The following STK3 variants were observed in gnomAD, a reference collection of about 807,000 sequenced individuals.
The protein encoded by STK3 is serine/threonine kinase 3, also known as serine/threonine-protein kinase 3.
In STK3, 41 loss-of-function variants were observed where a neutral mutation model predicts 58.0. That is an observed-to-expected ratio of 0.71 (90% CI 0.55 to 0.92). STK3 has a LOEUF of 0.92. Ranked by LOEUF, STK3 falls within the 40% of genes least tolerant of loss-of-function variation. The pLI is 0.00. For missense variants in STK3, 479 were observed against 602.7 expected (o/e 0.79, Z 2.15); for synonymous variants, 170 against 191.0 (o/e 0.89, Z 0.91).
intron 4 of STK3, among the ~76,000 whole-genome samples, chr8:98,714,882 C>A (rs536679735): frequency 6.6e-6 from 1 of 152,022 alleles, no homozygotes; most frequent in African/African-American, 2.4e-5. Context: ...ACTTCAAATA[C>A]ACTACAAGGC....
intron 10 of STK3, among the ~76,000 whole-genome samples, chr8:98,498,800 T>G (rs931800613): frequency 1.2e-4 from 18 of 152,214 alleles, no homozygotes; most frequent in African/African-American, 4.1e-4. Context: ...CTGTCCCCTT[T>G]GCTGATTCCT....
chr8:98,550,826 T>C (rs1177176733), intron 8 of STK3, among the ~76,000 whole-genome samples: 1 of 152,194 alleles, frequency 6.6e-6, no homozygotes, highest in African/African-American at 2.4e-5. Flanking sequence ...AATGCCTGCA[T>C]GCTACCTGGA....
At chr8:98,842,833 GTC>G (rs1836048694) in intron 3 of STK3, among the ~76,000 whole-genome samples, 2 of 151,990 alleles carry the variant, frequency 1.3e-5, no homozygotes, top group African/African-American at 4.8e-5. Context: ...AAACCTCCCT[GTC>G]TCTGTCAAAA....
intron 6 of STK3, among the ~76,000 whole-genome samples, chr8:98,596,828 C>T (rs1172443691): frequency 6.6e-6 from 1 of 151,820 alleles, no homozygotes; most frequent in Non-Finnish European, 1.5e-5. Context: ...CCTAGATAGT[C>T]ACCCTGGCCT....
At chr8:98,558,962 C>T (rs1300840658) in intron 8 of STK3, among the ~76,000 whole-genome samples, 1 of 152,036 alleles carries the variant, frequency 6.6e-6, no homozygotes, top group East Asian at 1.9e-4. Flanking sequence ...TTTTAACATA[C>T]AGTTTACATC....
At chr8:98,788,518 C>T (rs1163768895) in intron 1 of STK3, among the ~76,000 whole-genome samples, 5 of 152,018 alleles carry the variant, frequency 3.3e-5, no homozygotes, top group Non-Finnish European at 5.9e-5. Context: ...CAACCATCTG[C>T]TGCCTTCAAG....
At chr8:98,669,274 C>G in intron 6 of STK3, among the ~76,000 whole-genome samples, 1 of 152,074 alleles carries the variant, frequency 6.6e-6, no homozygotes, top group East Asian at 1.9e-4. Context: ...GGATTACAGG[C>G]GTGAGCCACT....
intron 1 of STK3, among the ~76,000 whole-genome samples, chr8:98,911,191 G>A (rs1039631003): frequency 5.9e-5 from 9 of 152,218 alleles, no homozygotes; most frequent in East Asian, 1.9e-4. Flanking sequence ...CGGATTGGTC[G>A]TTCTCAACAA....
chr8:98,634,011 A>G (rs1819445990), intron 6 of STK3: 1 of 176,330 alleles, frequency 5.7e-6, no homozygotes, highest in Non-Finnish European at 1.2e-5. Flanking sequence ...GGTGATGTGG[A>G]GTATTAAAAA....
intron 1 of STK3, among the ~76,000 whole-genome samples, chr8:98,778,419 T>C (rs1831860745): frequency 6.6e-6 from 1 of 152,030 alleles, no homozygotes; most frequent in Non-Finnish European, 1.5e-5. Context: ...GGAACACTTT[T>C]ACACTGTTGG....
At chr8:98,710,825 A>G (rs1826356356) in intron 4 of STK3, among the ~76,000 whole-genome samples, 1 of 152,230 alleles carries the variant, frequency 6.6e-6, no homozygotes, top group Non-Finnish European at 1.5e-5. Context: ...AGATCTGAGA[A>G]CAGACAGACT....
intron 10 of STK3, among the ~76,000 whole-genome samples, chr8:98,457,890 C>T (rs1387256660): frequency 1.3e-5 from 2 of 152,110 alleles, no homozygotes; most frequent in African/African-American, 2.4e-5. Context: ...CAGTAATAGA[C>T]TGAACTCAGA....
At chr8:98,370,423 T>A (rs938815181), downstream of STK3, among the ~76,000 whole-genome samples, 2 of 150,888 alleles carry the variant, frequency 1.3e-5, no homozygotes, top group African/African-American at 4.9e-5. Flanking sequence ...GATCCCAAGC[T>A]TCAGAGTCTT....
At chr8:98,767,405 C>T in intron 2 of STK3, 34 bp from the exon 3 acceptor site, 1 of 1,547,914 alleles carries the variant, frequency 6.5e-7, no homozygotes, top group Non-Finnish European at 8.7e-7. Flanking sequence ...TTTTTCCTAT[C>T]AAACATCGTA....
chr8:98,722,773 G>T (rs956856769), intron 4 of STK3: 1 of 274,472 alleles, frequency 3.6e-6, no homozygotes, highest in Non-Finnish European at 7.3e-6. Flanking sequence ...TTTTCATGAG[G>T]CTGGATAGGT....
chr8:98,730,353 T>C (rs931170694), intron 4 of STK3, among the ~76,000 whole-genome samples: 16 of 152,176 alleles, frequency 1.1e-4, no homozygotes, highest in Non-Finnish European at 2.4e-4. Flanking sequence ...ATTACAGAAA[T>C]AGATCTCATC....
At chr8:98,847,700 C>CT (rs903277650) in intron 3 of STK3, among the ~76,000 whole-genome samples, 3 of 151,508 alleles carry the variant, frequency 2.0e-5, no homozygotes, top group African/African-American at 7.3e-5. Context: ...CTTTTTCCCT[C>CT]TTTTTTTAAA....
intron 6 of STK3, among the ~76,000 whole-genome samples, chr8:98,613,707 AC>A (rs1817392784): frequency 6.6e-6 from 1 of 152,130 alleles, no homozygotes; most frequent in African/African-American, 2.4e-5. Context: ...ATTAATAATT[AC>A]ATTAAATGTA....
chr8:98,738,960 G>C (rs1479252482), intron 4 of STK3, among the ~76,000 whole-genome samples: 1 of 152,240 alleles, frequency 6.6e-6, no homozygotes, highest in Non-Finnish European at 1.5e-5. Context: ...GGCTCGGAGG[G>C]TCCTACGCCC....
Sources: gnomAD v4.1 joint callset for allele counts (sites outside exome capture counted in the v4.1 genomes callset) on GRCh38, gnomAD v4.1.1 for gene constraint, MANE v1.5 for transcripts, NCBI Gene and HGNC (gene_info 2026-07-23, HGNC 2026-07-21) for gene names.